The following TNIP1 variants were observed in gnomAD, a reference collection of about 807,000 sequenced individuals.
TNIP1 encodes TNFAIP3 interacting protein 1.
TNIP1 carries 22 observed loss-of-function variants against 86.6 expected under a neutral mutation model. The observed-to-expected ratio is 0.25, with a 90% CI of 0.18 to 0.36. The LOEUF (loss-of-function observed/expected upper bound fraction) is 0.36. TNIP1 is among the 10% of genes least tolerant of loss of function. The pLI is 1.00. For missense variants in TNIP1, 709 were observed against 820.6 expected (o/e 0.86, Z 1.66); for synonymous variants, 294 against 313.0 (o/e 0.94, Z 0.64).
intron 1 of TNIP1, among the ~76,000 whole-genome samples, chr5:151,076,427 G>A (rs1763403969): frequency 6.6e-6 from 1 of 152,228 alleles, no homozygotes; most frequent in Non-Finnish European, 1.5e-5. Flanking sequence ...GAGCCAAAGA[G>A]AGGGTGACCC....
intron 1 of TNIP1, among the ~76,000 whole-genome samples, chr5:151,066,354 A>G (rs1004282798): frequency 6.6e-6 from 1 of 152,352 alleles, no homozygotes; most frequent in Non-Finnish European, 1.5e-5. Flanking sequence ...ATAGCTCTCC[A>G]GCATGAAAGG....
At chr5:151,081,468 C>G (rs562205099), upstream of TNIP1, among the ~76,000 whole-genome samples, 253 of 152,308 alleles carry the variant, frequency 1.7e-3, no homozygotes, top group African/African-American at 5.8e-3. Flanking sequence ...AGCTCAGGCC[C>G]CCAGAGTTCC....
chr5:151,067,233 C>G (rs1443922303), intron 1 of TNIP1, among the ~76,000 whole-genome samples: 1 of 152,220 alleles, frequency 6.6e-6, no homozygotes, highest in Admixed American at 6.5e-5. Context: ...GTGGGGGCTG[C>G]ACTTAGCACT....
At chr5:151,063,535 A>G (rs952065208) in intron 3 of TNIP1, 78 bp downstream of exon 3, 1 of 1,562,436 alleles carries the variant, frequency 6.4e-7, no homozygotes, top group African/African-American at 1.4e-5. Flanking sequence ...GTTTTGGCAT[A>G]AGAAGGGAGT....
chr5:151,058,583 C>T (rs183517335), intron 5 of TNIP1, among the ~76,000 whole-genome samples: 8 of 152,330 alleles, frequency 5.3e-5, no homozygotes, highest in Admixed American at 2.6e-4. Context: ...CCTGAACCCA[C>T]ACACACCAGG....
At chr5:151,080,434 G>C (rs1229900451) in intron 1 of TNIP1, 1 of 152,198 alleles carries the variant, frequency 6.6e-6, no homozygotes. Flanking sequence ...TCTAATACAC[G>C]TACAGCGTTA....
At chr5:151,034,493 A>G in intron 15 of TNIP1, 1 of 281,924 alleles carries the variant, frequency 3.5e-6, no homozygotes, top group Non-Finnish European at 6.7e-6. Flanking sequence ...GAAGGCTCAT[A>G]CATGGGCACG....
chr5:151,083,203 C>T (rs1234401162), upstream of TNIP1, among the ~76,000 whole-genome samples: 6 of 152,220 alleles, frequency 3.9e-5, no homozygotes, highest in Non-Finnish European at 7.3e-5. Context: ...CCCTCTAAGC[C>T]TCAGGCTTCT....
chr5:151,056,758 C>A lies in TNIP1; in HGVS notation c.627+8G>T. On this transcript the variant is annotated splice_region_variant and intron_variant, in intron 6 of 17. Transcript: ENST00000521591. ...CCTGTCTCGGGCTGCCCTCCCCACG[C>A]GCCTCACCTGCAGAATGGAGGTGCG... 1.3e-6 allele frequency: 2 copies of A among 1,487,332 alleles called. No homozygotes were observed. The highest frequency in any genetic ancestry group is 9.0e-7 in the Non-Finnish European group (1 of 1,110,018). The allele number at this position is 1,487,332 out of a possible 1,614,324, so 92.1% of individuals were successfully genotyped here.
chr5:151,080,079 G>C (rs1371394866), intron 1 of TNIP1: 1 of 152,106 alleles, frequency 6.6e-6, no homozygotes, highest in Admixed American at 6.5e-5. Context: ...TCACCCAGTC[G>C]CACAAAATTC....
At chr5:151,045,276 C>G (rs13160766) in intron 9 of TNIP1, among the ~76,000 whole-genome samples, 131,814 of 152,198 alleles carry the variant, frequency 0.87, 57,193 homozygotes, top group East Asian at 0.97. Flanking sequence ...TTTTAGTAGG[C>G]ACAGGGTTTC....
intron 6 of TNIP1, among the ~76,000 whole-genome samples, chr5:151,054,468 C>T (rs1760382908): frequency 6.6e-6 from 1 of 152,058 alleles, no homozygotes; most frequent in African/African-American, 2.4e-5. Context: ...ATCACTTGAG[C>T]CCAGGAGTTC....
At chr5:151,053,838 T>C (rs766067150) in intron 6 of TNIP1, among the ~76,000 whole-genome samples, 1 of 152,234 alleles carries the variant, frequency 6.6e-6, no homozygotes, top group Non-Finnish European at 1.5e-5. Flanking sequence ...GACTCATCAC[T>C]GGCGGGGAGT....
intron 1 of TNIP1, among the ~76,000 whole-genome samples, chr5:151,076,805 C>T (rs1763446437): frequency 6.6e-6 from 1 of 152,166 alleles, no homozygotes; most frequent in Non-Finnish European, 1.5e-5. Context: ...GCGCCCTGAT[C>T]CCAGGGGTCG....
At chr5:151,052,658 C>T (rs369739102) in intron 6 of TNIP1, among the ~76,000 whole-genome samples, 3 of 152,256 alleles carry the variant, frequency 2.0e-5, no homozygotes, top group Non-Finnish European at 4.4e-5. Context: ...CCCGATCCAG[C>T]TACATTAGGC....
At chr5:151,075,945 C>T (rs1763339636) in intron 1 of TNIP1, among the ~76,000 whole-genome samples, 1 of 152,214 alleles carries the variant, frequency 6.6e-6, no homozygotes, top group South Asian at 2.1e-4. Flanking sequence ...CCCACACACA[C>T]ACCCCTGCCT....
chr5:151,086,314 C>T (rs545623730), intron 1 of TNIP1, among the ~76,000 whole-genome samples: 9 of 152,306 alleles, frequency 5.9e-5, no homozygotes, highest in African/African-American at 1.4e-4. Context: ...GAGGAAGCTG[C>T]GTCAGCTGTG....
At chr5:151,044,051 G>C (rs1758805158) in intron 9 of TNIP1, among the ~76,000 whole-genome samples, 1 of 152,132 alleles carries the variant, frequency 6.6e-6, no homozygotes, top group South Asian at 2.1e-4. Flanking sequence ...GATATGAATA[G>C]ATACTCTCAA....
intron 16 of TNIP1, 66 bp downstream of exon 16, chr5:151,033,542 C>T: frequency 1.8e-6 from 2 of 1,118,794 alleles, no homozygotes; most frequent in Non-Finnish European, 2.5e-6. Flanking sequence ...CTTAACCTTC[C>T]TCTCTGGAAG....
Sources: gnomAD v4.1 joint callset for allele counts (sites outside exome capture counted in the v4.1 genomes callset) on GRCh38, gnomAD v4.1.1 for gene constraint, MANE v1.5 for transcripts, NCBI Gene and HGNC (gene_info 2026-07-23, HGNC 2026-07-21) for gene names.